RYR3: variants seen among roughly 807,000 people sequenced by gnomAD.
RYR3 encodes ryanodine receptor 3.
RYR3 carries 207 observed loss-of-function variants against 584.3 expected under a neutral mutation model. The ratio of observed to expected loss-of-function variants is 0.35; its 90% CI spans 0.32 to 0.40. The LOEUF (loss-of-function observed/expected upper bound fraction) is 0.40, where lower values mean the gene tolerates loss of function less well. Among genes scored for constraint, RYR3 ranks in the 10% least tolerant of loss-of-function variants. The pLI, the probability that RYR3 is intolerant of heterozygous loss-of-function variation, is 1.00. For missense variants in RYR3, 5,616 were observed against 6,089.2 expected, an observed-to-expected ratio of 0.92 and a Z score of 2.59; for synonymous variants, 2,416 against 2,248.5, an observed-to-expected ratio of 1.07 and a Z score of -2.11.
At chr15:33,609,045 A>G (rs1303993343) in intron 18 of RYR3, among the ~76,000 whole-genome samples, 3 of 152,348 alleles carry the variant, frequency 2.0e-5, no homozygotes, top group African/African-American at 7.2e-5. Context: ...GCCGAGCCTC[A>G]GGCCAGTATA....
chr15:33,806,863 C>T (rs1411541971), intron 69 of RYR3, among the ~76,000 whole-genome samples: 1 of 151,802 alleles, frequency 6.6e-6, no homozygotes, highest in Non-Finnish European at 1.5e-5. Context: ...AAGCGATCCT[C>T]CTGCCTCAGC....
In RYR3 at chr15:33,807,569, G is replaced by C. The variant is rs1314620392; in HGVS notation, c.10026G>C (p.Lys3342Asn). 1 of 1,551,840 alleles carries C rather than the reference G, an allele frequency of 6.4e-7. No homozygotes were observed. The highest frequency in any genetic ancestry group is 2.4e-5 in the East Asian group (1 of 40,970). ...KSKMSKAMQV[K>N]SGGQDQERKK... is the part of the protein sequence containing the mutation. ...TTTCCACACAGGCCATGCAAGTAAA[G>C]GTACAGGTCAAATGCATGACGTGTC... The change falls in exon 70 of 104, where the codon AAG becomes AAC. Residue 3342 changes from lysine (K) to asparagine (N), a missense_variant and splice_region_variant. Lys to Asn is a moderately conservative substitution (Grantham distance 94). Around this residue, in one of 9 missense-constraint regions of RYR3, gnomAD observed 954 missense variants for 1,132.2 expected, o/e 0.84. Transcript: ENST00000634891.
At chr15:33,603,063 CA>C in intron 17 of RYR3, 59 bp from the exon 18 acceptor site, 1 of 1,590,028 alleles carries the variant, frequency 6.3e-7, no homozygotes, top group Non-Finnish European at 8.6e-7. Context: ...TGGTCTGGTT[CA>C]ACTTGCTTTC....
intron 3 of RYR3, among the ~76,000 whole-genome samples, chr15:33,515,693 A>T (rs2053452015): frequency 6.6e-6 from 1 of 152,168 alleles, no homozygotes; most frequent in Non-Finnish European, 1.5e-5. Flanking sequence ...GCTGGGCTGA[A>T]CCCTGGTCCA....
At chr15:33,320,690 G>T (rs554611052) in intron 1 of RYR3, among the ~76,000 whole-genome samples, 1 of 152,294 alleles carries the variant, frequency 6.6e-6, no homozygotes, top group African/African-American at 2.4e-5. Context: ...TTAAATGAGG[G>T]TCATAATAGT....
chr15:33,578,696 G>C (rs999604192), intron 12 of RYR3, among the ~76,000 whole-genome samples: 2 of 151,472 alleles, frequency 1.3e-5, no homozygotes, highest in African/African-American at 2.4e-5. Context: ...GTTAGGTGCA[G>C]CAAACCACCG....
chr15:33,812,701 T>C (rs1323131714), intron 72 of RYR3, among the ~76,000 whole-genome samples, 162 bp from the exon 73 acceptor site: 1 of 152,166 alleles, frequency 6.6e-6, no homozygotes, highest in Admixed American at 6.6e-5. Flanking sequence ...GAAGTTCCTA[T>C]ACAGTATCTA....
At position 33,832,064 on chromosome 15, in the gene RYR3, C is replaced by T. The variant is rs149818102; in HGVS notation, c.11463+973C>T. Among the ~76,000 whole-genome samples, 706 of 152,036 alleles carry T rather than the reference C, an allele frequency of 4.6e-3. 3 individuals are homozygous for T. Among genetic ancestry groups the T allele is most frequent in the African/African-American group, 0.016 (650 of 41,476 alleles). On this transcript the variant is annotated intron_variant, in intron 86 of 103. Coordinates refer to ENST00000634891, the MANE Select transcript of RYR3 (RefSeq NM_001036.6). The stretch of plus-strand genomic sequence containing the variant: ...ATCCTGGCACTTTGGGAGGCTGAGG[C>T]GGGTGGATTGTCTGAGCTCAGGAGT...
rs8034622 is a variant in RYR3, at chr15:33,713,088, G to T, written c.6619+6034G>T. On this transcript the variant is annotated intron_variant, in intron 43 of 103. Coordinates refer to ENST00000634891, the MANE Select transcript of RYR3 (RefSeq NM_001036.6). ...CTTTATAAGTCCTTATGTCTAAAAG[G>T]TGATTCAAAAGGACTTTCTGAATAC... Among the ~76,000 whole-genome samples, 585 of 152,248 alleles carry T rather than the reference G, an allele frequency of 3.8e-3. 3 individuals are homozygous for T. Among genetic ancestry groups the T allele is most frequent in the South Asian group, 9.8e-3 (47 of 4,818 alleles).
intron 38 of RYR3, among the ~76,000 whole-genome samples, chr15:33,685,560 A>G (rs2064944299): frequency 6.6e-6 from 1 of 152,244 alleles, no homozygotes; most frequent in Non-Finnish European, 1.5e-5. Context: ...AAGGATATCC[A>G]GGAATTGAAC....
intron 10 of RYR3, among the ~76,000 whole-genome samples, chr15:33,551,642 T>A (rs2056681356): frequency 6.6e-6 from 1 of 152,204 alleles, no homozygotes; most frequent in South Asian, 2.1e-4. Context: ...CCTGTTCACA[T>A]CTTCCTAACC....
chr15:33,752,231 A>G (rs1040339105), intron 57 of RYR3, among the ~76,000 whole-genome samples: 2 of 152,140 alleles, frequency 1.3e-5, no homozygotes, highest in Admixed American at 1.3e-4. Context: ...TTTGTTCCAT[A>G]TGAAATTTAA....
intron 97 of RYR3, 124 bp from the exon 98 acceptor site, chr15:33,854,642 C>A: frequency 7.7e-7 from 1 of 1,300,608 alleles, no homozygotes; most frequent in Non-Finnish European, 1.1e-6. Context: ...TGGGCCAGCT[C>A]ACAGCACCTC....
At chr15:33,546,852 T>C (rs903700267) in intron 8 of RYR3, among the ~76,000 whole-genome samples, 1 of 152,182 alleles carries the variant, frequency 6.6e-6, no homozygotes, top group African/African-American at 2.4e-5. Context: ...ATTGACTAAC[T>C]CTTGTCTCTA....
chr15:33,491,835 G>T (rs2050988125), intron 2 of RYR3, among the ~76,000 whole-genome samples: 1 of 152,192 alleles, frequency 6.6e-6, no homozygotes, highest in Non-Finnish European at 1.5e-5. Flanking sequence ...GGAGGAGACT[G>T]AGTCTCCTAA....
At chr15:33,611,100 CAT>C (rs1421589103) in intron 18 of RYR3, among the ~76,000 whole-genome samples, 15 of 152,210 alleles carry the variant, frequency 9.9e-5, no homozygotes, top group African/African-American at 3.6e-4. Flanking sequence ...GTAAATAACT[CAT>C]ATCCATCAGG....
At chr15:33,551,374 C>G (rs753189055) in intron 10 of RYR3, among the ~76,000 whole-genome samples, 1 of 152,206 alleles carries the variant, frequency 6.6e-6, no homozygotes, top group African/African-American at 2.4e-5. Flanking sequence ...TTCTGTTCAT[C>G]TAGGACTAGG....
intron 2 of RYR3, among the ~76,000 whole-genome samples, chr15:33,499,861 C>T (rs935826024): frequency 6.6e-6 from 1 of 152,180 alleles, no homozygotes; most frequent in Admixed American, 6.5e-5. Flanking sequence ...ATTGACACAC[C>T]TACAAGGTGT....
intron 20 of RYR3, among the ~76,000 whole-genome samples, chr15:33,625,590 A>AG (rs1475197910): frequency 6.6e-6 from 1 of 152,218 alleles, no homozygotes; most frequent in Non-Finnish European, 1.5e-5. Context: ...AGAGAAAAAA[A>AG]CATTTTAATC....
Sources: gnomAD v4.1 joint callset for allele counts (sites outside exome capture counted in the v4.1 genomes callset) on GRCh38, gnomAD v4.1.1 for gene constraint, gnomAD v4.1.1 regional missense constraint, MANE v1.5 for transcripts, NCBI Gene and HGNC (gene_info 2026-07-23, HGNC 2026-07-21) for gene names.